GRIA4: variants seen among roughly 807,000 people sequenced by gnomAD.
GRIA4 encodes the protein glutamate receptor 4.
Under a neutral mutation model 104.0 loss-of-function variants are expected in GRIA4, and 34 were observed. The observed-to-expected ratio is 0.33, with a 90% CI of 0.25 to 0.44. The LOEUF (loss-of-function observed/expected upper bound fraction) is 0.44, where lower values mean the gene tolerates loss of function less well. Ranked by LOEUF, GRIA4 falls within the 20% of genes least tolerant of loss-of-function variation. The pLI is 1.00. For synonymous variants in GRIA4, 386 were observed against 381.9 expected (o/e 1.01, Z -0.13); for missense variants, 750 against 1,096.5 (o/e 0.68, Z 4.46).
chr11:105,813,882 G>T (rs2135879453), intron 4 of GRIA4, among the ~76,000 whole-genome samples: 1 of 152,136 alleles, frequency 6.6e-6, no homozygotes, highest in Admixed American at 6.5e-5. Flanking sequence ...GACAAACTCT[G>T]TCTCATGAGA....
chr11:105,886,594 C>T (rs1946271314), intron 5 of GRIA4, among the ~76,000 whole-genome samples: 1 of 151,446 alleles, frequency 6.6e-6, no homozygotes, highest in Non-Finnish European at 1.5e-5. Flanking sequence ...ACATAAGTCA[C>T]TCAAGTACAC....
At chr11:105,923,407 T>C (rs1399231130) in intron 11 of GRIA4, among the ~76,000 whole-genome samples, 1 of 152,100 alleles carries the variant, frequency 6.6e-6, no homozygotes, top group Non-Finnish European at 1.5e-5. Flanking sequence ...TGCCATGATA[T>C]GTGAATCTCC....
At chr11:105,910,695 G>T in intron 10 of GRIA4, 150 bp downstream of exon 10, 1 of 553,260 alleles carries the variant, frequency 1.8e-6, no homozygotes, top group South Asian at 2.5e-5. Flanking sequence ...GCTTTGAATA[G>T]GTTCATCCTA....
intron 3 of GRIA4, among the ~76,000 whole-genome samples, chr11:105,725,085 T>C (rs557195754): frequency 1.3e-5 from 2 of 152,272 alleles, no homozygotes; most frequent in South Asian, 2.1e-4. Context: ...CAATACTTTA[T>C]AGGATTTGTA....
chr11:105,858,291 A>C (rs570867437), intron 4 of GRIA4, among the ~76,000 whole-genome samples: 1 of 152,204 alleles, frequency 6.6e-6, no homozygotes, highest in Admixed American at 6.5e-5. Flanking sequence ...CTAGATAGTA[A>C]ATTCTTTGTA....
chr11:105,745,572 G>A (rs1485956555), intron 3 of GRIA4, among the ~76,000 whole-genome samples: 1 of 152,100 alleles, frequency 6.6e-6, no homozygotes, highest in Admixed American at 6.6e-5. Flanking sequence ...CCAGAACAAT[G>A]CCATTAATTC....
chr11:105,935,582 T>C (rs1948010174), intron 14 of GRIA4, among the ~76,000 whole-genome samples: 1 of 152,098 alleles, frequency 6.6e-6, no homozygotes, highest in South Asian at 2.1e-4. Context: ...AATAATTTTT[T>C]AAAAATAGGA....
intron 5 of GRIA4, among the ~76,000 whole-genome samples, chr11:105,883,532 T>G (rs760796995): frequency 4.6e-5 from 7 of 151,376 alleles, no homozygotes; most frequent in Non-Finnish European, 1.0e-4. Context: ...CAGTGTTTGG[T>G]TTTTTGTCCT....
Position 105,890,626 on chromosome 11 carries a change from G to A in GRIA4, c.726+3054G>A, listed in dbSNP as rs1252101669. ...CTTTTGGAGCTATTGCAGTGTACTGGCATCTCACCTCCAACCAGGCCAAAA... is the reference window on the plus strand; with the variant it reads ...CTTTTGGAGCTATTGCAGTGTACTGACATCTCACCTCCAACCAGGCCAAAA... On this transcript the variant is annotated intron_variant, in intron 6 of 16. Coordinates refer to ENST00000282499, the MANE Select transcript of GRIA4 (RefSeq NM_000829.4). Among the ~76,000 whole-genome samples the A allele has an allele frequency of 2.0e-5, 3 of 152,158 alleles. No homozygotes were observed. The East Asian group carries it at 5.8e-4, about 29-fold the overall frequency.
intron 3 of GRIA4, among the ~76,000 whole-genome samples, chr11:105,719,152 C>T (rs1172276085): frequency 6.6e-6 from 1 of 152,070 alleles, no homozygotes; most frequent in Admixed American, 6.6e-5. Flanking sequence ...GATCTTAGCA[C>T]TCAATTTTTA....
At chr11:105,658,780 G>A (rs1456998113) in intron 3 of GRIA4, among the ~76,000 whole-genome samples, 11 of 151,928 alleles carry the variant, frequency 7.2e-5, no homozygotes, top group African/African-American at 2.2e-4. Context: ...TCTAAGAGAT[G>A]TTATTTGTGA....
chr11:105,898,375 G>T lies in GRIA4; in HGVS notation c.833G>T (p.Arg278Leu). 6.3e-7 allele frequency: 1 copy of T among 1,594,966 alleles called. No individual in the cohort carries two copies. Among genetic ancestry groups the T allele is most frequent in the Non-Finnish European group, 8.6e-7 (1 of 1,163,080 alleles). The change falls in exon 7 of 17, where the codon CGC becomes CTC. Residue 278 changes from arginine (R) to leucine (L), a missense_variant. Physicochemically the swap from Arg to Leu is moderately radical, Grantham distance 102. Coordinates refer to ENST00000282499, the MANE Select transcript of GRIA4 (RefSeq NM_000829.4). The part of the protein sequence containing the change: ...NTPMVIKLMD[R>L]WKKLDQREYP... ...CCTATGGTAATCAAACTAATGGATCGCTGGAAGAAACTAGATCAGAGAGAG... is the reference window on the plus strand; with the variant it reads ...CCTATGGTAATCAAACTAATGGATCTCTGGAAGAAACTAGATCAGAGAGAG...
chr11:105,612,418 T>C lies in GRIA4; in HGVS notation c.231T>C (p.Phe77=). 1 of 1,614,126 alleles carries C rather than the reference T, an allele frequency of 6.2e-7. No homozygotes were observed. The highest frequency in any genetic ancestry group is 8.5e-7 in the Non-Finnish European group (1 of 1,179,986). The change falls in exon 3 of 17, where the codon TTT becomes TTC. Residue 77 remains phenylalanine, a synonymous_variant. Transcript: ENST00000282499. The stretch of plus-strand genomic sequence containing the variant: ...ACAACATTGAGACAGCCAACAGTTT[T>C]GCTGTAACAAACGCCTGTAAGTAAA... ...HVDNIETANS[F]AVTNAFCSQY...
At chr11:105,821,961 A>T (rs1565263140) in intron 4 of GRIA4, among the ~76,000 whole-genome samples, 1 of 152,124 alleles carries the variant, frequency 6.6e-6, no homozygotes, top group South Asian at 2.1e-4. Context: ...GGTGAGCTAG[A>T]CTCTGCTGCG....
rs763388199 is a variant in GRIA4 at position 105,626,916 on chromosome 11, T to C, written c.247+14482T>C. Reference sequence around the variant, plus strand: ...CTCATAGAGCTAGTTGAGTAATTTTTTAAAGCACGAGTTATTTAGAGGAGC... The same window carrying C: ...CTCATAGAGCTAGTTGAGTAATTTTCTAAAGCACGAGTTATTTAGAGGAGC... On this transcript the variant is annotated intron_variant, in intron 3 of 16. Coordinates refer to ENST00000282499, the MANE Select transcript of GRIA4 (RefSeq NM_000829.4). Among the ~76,000 whole-genome samples the C allele has an allele frequency of 6.7e-4, 102 of 152,346 alleles. 1 individual carries two copies. The Middle Eastern group carries it at 0.01, about 15-fold the overall frequency.
intron 4 of GRIA4, among the ~76,000 whole-genome samples, chr11:105,846,036 A>G (rs1187468728): frequency 6.6e-6 from 1 of 152,226 alleles, no homozygotes; most frequent in African/African-American, 2.4e-5. Context: ...AGAGAAACAA[A>G]GTGTTTTTAT....
At chr11:105,689,540 G>T (rs1953012228) in intron 3 of GRIA4, among the ~76,000 whole-genome samples, 1 of 151,980 alleles carries the variant, frequency 6.6e-6, no homozygotes, top group South Asian at 2.1e-4. Context: ...CTATAAACAG[G>T]CCCCTAAAAT....
At chr11:105,738,522 C>T (rs1939099920) in intron 3 of GRIA4, among the ~76,000 whole-genome samples, 1 of 152,112 alleles carries the variant, frequency 6.6e-6, no homozygotes, top group Admixed American at 6.5e-5. Context: ...GATGACACTT[C>T]AGTTATTCAG....
At chr11:105,902,554 T>C (rs1283646671) in intron 7 of GRIA4, among the ~76,000 whole-genome samples, 2 of 152,060 alleles carry the variant, frequency 1.3e-5, no homozygotes, top group Non-Finnish European at 2.9e-5. Context: ...AGGCTGCTCT[T>C]GAACTCCTAG....
Sources: allele counts gnomAD v4.1 joint callset (sites outside exome capture counted in the v4.1 genomes callset), GRCh38; gene constraint gnomAD v4.1.1; transcripts MANE v1.5; gene names NCBI Gene and HGNC (gene_info 2026-07-23, HGNC 2026-07-21).